CREB5: variants seen among roughly 807,000 people sequenced by gnomAD.
The protein encoded by CREB5 is cAMP responsive element binding protein 5.
In CREB5, 19 loss-of-function variants were observed where a neutral mutation model predicts 57.1. That is an observed-to-expected ratio of 0.33 (90% confidence interval 0.23 to 0.49). CREB5 has a LOEUF of 0.49. CREB5 is among the 20% of genes least tolerant of loss of function. The probability of loss-of-function intolerance (pLI) is 0.99; values close to 1 mark genes in which losing one functional copy is unlikely to be tolerated. For synonymous variants in CREB5, 238 were observed against 238.3 expected (o/e 1.00, Z 0.01); for missense variants, 579 against 671.6 (o/e 0.86, Z 1.52).
At chr7:28,400,066 T>TATAC (rs1554313215) in intron 1 of CREB5, among the ~76,000 whole-genome samples, 91 of 150,268 alleles carry the variant, frequency 6.1e-4, no homozygotes, top group African/African-American at 2.1e-3. Context: ...CTGAAACAGA[T>TATAC]ACACACACAC....
At chr7:28,499,774 G>T (rs541031126) in intron 3 of CREB5, among the ~76,000 whole-genome samples, 47 of 152,254 alleles carry the variant, frequency 3.1e-4, no homozygotes, top group African/African-American at 1.1e-3. Flanking sequence ...GTAGAAATGG[G>T]GTTTCTTGAT....
At chr7:28,478,025 A>G (rs1791155466) in intron 1 of CREB5, among the ~76,000 whole-genome samples, 1 of 152,096 alleles carries the variant, frequency 6.6e-6, no homozygotes, top group Admixed American at 6.6e-5. Flanking sequence ...CTGAGGTGGG[A>G]GGGTCCCTTG....
chr7:28,545,143 C>G (rs1169128272), intron 4 of CREB5, among the ~76,000 whole-genome samples: 2 of 152,126 alleles, frequency 1.3e-5, no homozygotes, highest in African/African-American at 4.8e-5. Flanking sequence ...TAGTAAAGTT[C>G]CCATTTTTGA....
chr7:28,495,988 A>G (rs1003607237), intron 3 of CREB5, among the ~76,000 whole-genome samples: 2 of 151,036 alleles, frequency 1.3e-5, no homozygotes, highest in Non-Finnish European at 2.9e-5. Context: ...GTGCAGGGAC[A>G]GGAGTGAGGA....
At chr7:28,488,303 G>T in intron 2 of CREB5, 57 bp downstream of exon 2, 2 of 1,528,132 alleles carry the variant, frequency 1.3e-6, no homozygotes, top group Non-Finnish European at 1.8e-6. Flanking sequence ...CGAAAGGGAA[G>T]CAACTCTCAC....
In CREB5 at chr7:28,809,284, A is replaced by C. The variant is rs1204579423; in HGVS notation, c.1124A>C (p.Asp375Ala). Residue 375 changes from aspartate (D) to alanine (A), a missense_variant, in exon 9 of 11, where the codon GAC (aspartate) becomes GCC (alanine). Physicochemically the swap from Asp to Ala is moderately radical, Grantham distance 126. Around this residue, in one of 3 missense-constraint regions of CREB5, gnomAD observed 459 missense variants for 515.7 expected, o/e 0.89. Coordinates refer to ENST00000357727, the MANE Select transcript of CREB5 (RefSeq NM_182898.4). ...RRRRVVDEDPDERRRKFLERN... is the reference protein window; with the variant it reads ...RRRRVVDEDPAERRRKFLERN... Reference sequence around the variant, plus strand: ...CGAAGGGTGGTAGACGAGGATCCGGACGAGAGGCGGCGGAAATTTCTGGAA... The same window carrying C: ...CGAAGGGTGGTAGACGAGGATCCGGCCGAGAGGCGGCGGAAATTTCTGGAA... 8 of 1,614,168 alleles carry C rather than the reference A, an allele frequency of 5.0e-6. No individual in the cohort carries two copies. Among genetic ancestry groups the C allele is most frequent in the Non-Finnish European group, 6.8e-6 (8 of 1,180,036 alleles).
chr7:28,374,919 T>C (rs1245410350), intron 1 of CREB5, among the ~76,000 whole-genome samples: 1 of 152,148 alleles, frequency 6.6e-6, no homozygotes, highest in Non-Finnish European at 1.5e-5. Flanking sequence ...ACAAGGGAAC[T>C]CATTCTATAT....
intron 4 of CREB5, among the ~76,000 whole-genome samples, chr7:28,524,711 A>G (rs1793366341): frequency 6.6e-6 from 1 of 152,172 alleles, no homozygotes; most frequent in African/African-American, 2.4e-5. Flanking sequence ...TTTCTAATTG[A>G]TACATCATAT....
intron 1 of CREB5, among the ~76,000 whole-genome samples, chr7:28,446,247 G>A (rs1015580598): frequency 6.8e-6 from 1 of 146,584 alleles, no homozygotes; most frequent in Admixed American, 6.8e-5. Flanking sequence ...TGCCTCCCCA[G>A]CTCCAGGAAG....
At chr7:28,724,095 A>G (rs1335934238) in intron 6 of CREB5, 127 bp from the exon 7 acceptor site, 2 of 749,602 alleles carry the variant, frequency 2.7e-6, no homozygotes, top group African/African-American at 1.8e-5. Flanking sequence ...CACACACCAA[A>G]CCATAGGCCT....
At chr7:28,600,547 G>T (rs566616607) in intron 5 of CREB5, among the ~76,000 whole-genome samples, 1 of 152,172 alleles carries the variant, frequency 6.6e-6, no homozygotes, top group African/African-American at 2.4e-5. Flanking sequence ...AGGAGGAGGG[G>T]CTGGCTAATG....
chr7:28,327,954 G>T (rs1785638132), intron 1 of CREB5, among the ~76,000 whole-genome samples: 3 of 152,112 alleles, frequency 2.0e-5, no homozygotes, highest in Non-Finnish European at 4.4e-5. Context: ...ATTACATTTA[G>T]CCTCTGCTCT....
intron 1 of CREB5, among the ~76,000 whole-genome samples, chr7:28,380,000 C>A (rs1018854464): frequency 1.1e-4 from 16 of 152,176 alleles, no homozygotes; most frequent in African/African-American, 3.1e-4. Flanking sequence ...GATCCTCCCA[C>A]CTCAGCCTCC....
chr7:28,552,406 C>T (rs1321669054), intron 4 of CREB5, among the ~76,000 whole-genome samples: 5 of 152,202 alleles, frequency 3.3e-5, no homozygotes, highest in Admixed American at 3.3e-4. Flanking sequence ...TCGAGGCCAT[C>T]CCGAGACTAT....
intron 1 of CREB5, among the ~76,000 whole-genome samples, chr7:28,483,518 G>A (rs551550090): frequency 2.8e-4 from 42 of 152,150 alleles, no homozygotes; most frequent in African/African-American, 9.9e-4. Context: ...TTTTTTTCTA[G>A]TTGACTGTTG....
intron 4 of CREB5, among the ~76,000 whole-genome samples, chr7:28,560,866 C>CGTGTGCGTGCGTGCGTGTGCGCGCG (rs1562797336): frequency 2.0e-5 from 1 of 50,264 alleles, no homozygotes; most frequent in Non-Finnish European, 4.3e-5. Context: ...GTGCGTGTGC[C>CGTGTGCGTGCGTGCGTGTGCGCGCG]TGCGTGCGCG....
chr7:28,648,733 C>A (rs1364445047), intron 5 of CREB5, among the ~76,000 whole-genome samples: 1 of 151,682 alleles, frequency 6.6e-6, no homozygotes, highest in Non-Finnish European at 1.5e-5. Context: ...CAGAGTGAGA[C>A]CCTGTCTAAA....
At chr7:28,782,180 G>A (rs1157268340) in intron 7 of CREB5, among the ~76,000 whole-genome samples, 1 of 152,086 alleles carries the variant, frequency 6.6e-6, no homozygotes, top group African/African-American at 2.4e-5. Context: ...CTGTCCTTTT[G>A]CTGGAAATAC....
At chr7:28,450,763 G>A (rs908831619) in intron 1 of CREB5, among the ~76,000 whole-genome samples, 4 of 152,132 alleles carry the variant, frequency 2.6e-5, no homozygotes, top group Admixed American at 1.3e-4. Context: ...TTTATACAAC[G>A]GATTATAACA....
Sources: gnomAD v4.1 joint callset for allele counts (sites outside exome capture counted in the v4.1 genomes callset) on GRCh38, gnomAD v4.1.1 for gene constraint, gnomAD v4.1.1 regional missense constraint, MANE v1.5 for transcripts, NCBI Gene and HGNC (gene_info 2026-07-23, HGNC 2026-07-21) for gene names.